Variants in CSMD1 observed in about 807,000 individuals in gnomAD.
The protein encoded by CSMD1 is CUB and sushi domain-containing protein 1.
In CSMD1, 213 loss-of-function variants were observed where a neutral mutation model predicts 417.5. That is an observed-to-expected ratio of 0.51 (90% CI 0.46 to 0.57). CSMD1 has a LOEUF of 0.57. CSMD1 is among the 20% of genes least tolerant of loss of function. CSMD1 has a pLI of 0.00. For missense variants in CSMD1, 6,923 were observed against 4,529.7 expected (o/e 1.53, Z -15.17); for synonymous variants, 2,862 against 1,736.8 (o/e 1.65, Z -16.11).
intron 3 of CSMD1, among the ~76,000 whole-genome samples, chr8:4,033,130 GAAAAAAAAA>G (rs58668077): frequency 5.0e-5 from 4 of 80,652 alleles, no homozygotes; most frequent in South Asian, 5.5e-4. Flanking sequence ...TTTCCAATAT[GAAAAAAAAA>G]AAAAAAAAAA....
At chr8:4,523,394 G>C (rs1258853061) in intron 2 of CSMD1, among the ~76,000 whole-genome samples, 1 of 152,084 alleles carries the variant, frequency 6.6e-6, no homozygotes, top group Admixed American at 6.6e-5. Context: ...TTTCATTCCA[G>C]ATGAATTTTC....
intron 2 of CSMD1, among the ~76,000 whole-genome samples, chr8:4,577,920 T>C (rs553282439): frequency 6.6e-6 from 1 of 152,302 alleles, no homozygotes; most frequent in African/African-American, 2.4e-5. Context: ...AAACAAGCCT[T>C]AGTGCAATTA....
Position 4,118,611 on chromosome 8 carries a change from G to A in CSMD1, c.416-86512C>T, listed in dbSNP as rs116440954. On this transcript the variant is annotated intron_variant, in intron 3 of 69. Transcript: ENST00000635120. ...AAACAATAGATGCTGGCAAGGCTGT[G>A]GAGACTTAGGAACACATTTTACACT... is the stretch of plus-strand genomic sequence containing the variant. Among the ~76,000 whole-genome samples, 505 of 152,284 alleles carry A rather than the reference G, an allele frequency of 3.3e-3. 4 individuals carry two copies. The highest frequency in any genetic ancestry group is 0.011 in the African/African-American group (476 of 41,542).
At chr8:4,314,155 C>G (rs1353195826) in intron 3 of CSMD1, among the ~76,000 whole-genome samples, 1 of 152,064 alleles carries the variant, frequency 6.6e-6, no homozygotes, top group Non-Finnish European at 1.5e-5. Flanking sequence ...CATCCGAAGT[C>G]TAAAGGCTTA....
At chr8:4,871,064 G>T (rs76766512) in intron 1 of CSMD1, among the ~76,000 whole-genome samples, 1 of 152,268 alleles carries the variant, frequency 6.6e-6, no homozygotes, top group Admixed American at 6.5e-5. Flanking sequence ...GGGAGGTGAG[G>T]CAGTTGCAAC....
intron 1 of CSMD1, among the ~76,000 whole-genome samples, chr8:4,733,872 G>A (rs951353923): frequency 2.6e-5 from 4 of 152,128 alleles, no homozygotes; most frequent in Non-Finnish European, 5.9e-5. Context: ...TTCTATTTCT[G>A]AAATTGACCT....
At chr8:4,213,045 C>A (rs545186151) in intron 3 of CSMD1, among the ~76,000 whole-genome samples, 4 of 152,122 alleles carry the variant, frequency 2.6e-5, no homozygotes, top group Non-Finnish European at 5.9e-5. Flanking sequence ...TAATTTAAGA[C>A]CCACTCTAAG....
intron 49 of CSMD1, among the ~76,000 whole-genome samples, chr8:3,059,593 G>T (rs1230276585): frequency 8.5e-5 from 13 of 152,154 alleles, no homozygotes; most frequent in Non-Finnish European, 1.9e-4. Context: ...AGAGTTTGAA[G>T]ATGGGCAGTG....
intron 3 of CSMD1, among the ~76,000 whole-genome samples, chr8:4,385,002 A>G (rs774331935): frequency 2.0e-5 from 3 of 152,052 alleles, no homozygotes; most frequent in Non-Finnish European, 4.4e-5. Flanking sequence ...TCTCGGCTCA[A>G]TGCAACCTCC....
intron 1 of CSMD1, among the ~76,000 whole-genome samples, chr8:4,817,809 A>T (rs4875387): frequency 1.4e-4 from 22 of 152,236 alleles, no homozygotes; most frequent in African/African-American, 5.3e-4. Context: ...GTGATATATA[A>T]GTGCAGGGAG....
At chr8:3,214,836 A>G (rs1420212903) in intron 29 of CSMD1, 145 bp from the exon 30 acceptor site, 4 of 500,596 alleles carry the variant, frequency 8.0e-6, no homozygotes, top group African/African-American at 7.8e-5. Flanking sequence ...AAGAATATTT[A>G]TTGATTGGCT....
intron 1 of CSMD1, among the ~76,000 whole-genome samples, chr8:4,974,886 C>G (rs1810458838): frequency 6.6e-6 from 1 of 151,986 alleles, no homozygotes; most frequent in Non-Finnish European, 1.5e-5. Context: ...AACTTTCACA[C>G]AAAAAAACTA....
In CSMD1 at chr8:2,966,809, C is replaced by T; in HGVS notation, c.8924-63G>A. On this transcript the variant is annotated intron_variant, in intron 57 of 69. Transcript: ENST00000635120. ...TGACCCAGCATGAAAATGGCAAACA[C>T]AAGAGACCAATGGGTATCAGTGCAA... The T allele has an allele frequency of 2.7e-6, 4 of 1,496,674 alleles. No homozygotes were observed. In the Admixed American group the frequency reaches 5.5e-5, roughly 21 times the overall value. 92.7% of individuals were successfully genotyped at this position (1,496,674 alleles called of 1,614,324 possible). A position where few individuals can be genotyped will look rare whatever the true frequency, so the allele number is the denominator to read the frequency against.
intron 2 of CSMD1, among the ~76,000 whole-genome samples, chr8:4,604,528 G>A: frequency 6.6e-6 from 1 of 152,022 alleles, no homozygotes. Context: ...GATCAAAATA[G>A]CTATCAATAA....
At chr8:4,176,825 G>C (rs1798073609) in intron 3 of CSMD1, among the ~76,000 whole-genome samples, 2 of 147,848 alleles carry the variant, frequency 1.4e-5, no homozygotes, top group Non-Finnish European at 3.0e-5. Context: ...GATCAAAAGA[G>C]ACAAAGAAGG....
intron 3 of CSMD1, among the ~76,000 whole-genome samples, chr8:4,269,840 C>G (rs531142046): frequency 6.6e-6 from 1 of 152,146 alleles, no homozygotes; most frequent in Non-Finnish European, 1.5e-5. Context: ...CCAATCTATC[C>G]TTCCCCTACA....
chr8:3,600,119 A>G (rs147920430), intron 8 of CSMD1, among the ~76,000 whole-genome samples: 299 of 152,318 alleles, frequency 2.0e-3, no homozygotes, highest in Non-Finnish European at 3.6e-3. Flanking sequence ...GCGAGGAATT[A>G]ATTTAAGACA....
At chr8:4,854,462 C>T (rs908048371) in intron 1 of CSMD1, among the ~76,000 whole-genome samples, 9 of 152,260 alleles carry the variant, frequency 5.9e-5, no homozygotes, top group South Asian at 2.1e-4. Context: ...CTGTGAGCGA[C>T]GCAGAAGACG....
intron 1 of CSMD1, among the ~76,000 whole-genome samples, chr8:4,862,815 G>A (rs1462162529): frequency 6.6e-6 from 1 of 152,044 alleles, no homozygotes; most frequent in Non-Finnish European, 1.5e-5. Flanking sequence ...ATTTGGGGTA[G>A]CTAGAAAGTT....
Sources: gnomAD v4.1 joint callset for allele counts (sites outside exome capture counted in the v4.1 genomes callset) on GRCh38, gnomAD v4.1.1 for gene constraint, MANE v1.5 for transcripts, NCBI Gene and HGNC (gene_info 2026-07-23, HGNC 2026-07-21) for gene names.